Variants in ARMC3 observed in about 807,000 individuals in gnomAD.
The protein encoded by ARMC3 is armadillo repeat containing 3.
A neutral mutation model predicts 90.3 loss-of-function variants in ARMC3; 74 were observed. The ratio of observed to expected loss-of-function variants is 0.82; its 90% CI spans 0.68 to 0.99. The LOEUF is 0.99. Among genes scored for constraint, ARMC3 ranks in the 50% least tolerant of loss-of-function variants. ARMC3 has a pLI of 0.00. For synonymous variants in ARMC3, 334 were observed against 361.8 expected (o/e 0.92, Z 0.87); for missense variants, 958 against 1,042.8 (o/e 0.92, Z 1.12).
At chr10:23,026,925 A>G (rs1838737756) in intron 16 of ARMC3, among the ~76,000 whole-genome samples, 1 of 152,132 alleles carries the variant, frequency 6.6e-6, no homozygotes, top group South Asian at 2.1e-4. Context: ...TCAGTGGAGC[A>G]TATTTTTTTG....
intron 11 of ARMC3, among the ~76,000 whole-genome samples, chr10:23,001,468 C>T (rs1468877986): frequency 6.6e-6 from 1 of 152,156 alleles, no homozygotes; most frequent in Non-Finnish European, 1.5e-5. Context: ...ACACTGAACC[C>T]TCCTGGCTAA....
chr10:22,951,881 G>A lies in ARMC3; in HGVS notation c.167-3926G>A, dbSNP rs573002683. Among the ~76,000 whole-genome samples the A allele has an allele frequency of 5.3e-5, 8 of 152,166 alleles. No homozygotes were observed. The East Asian group carries it at 9.7e-4, about 18-fold the overall frequency. On this transcript the variant is annotated intron_variant, in intron 3 of 18. Transcript: ENST00000298032. Reference sequence around the variant, plus strand: ...CACAGTGGCTCACACCTGTAATCTCGGAACTTTGAGAGGCTGAGGTGGGCA... The same window carrying A: ...CACAGTGGCTCACACCTGTAATCTCAGAACTTTGAGAGGCTGAGGTGGGCA...
chr10:22,990,245 C>A (rs925162818), intron 10 of ARMC3, among the ~76,000 whole-genome samples: 1 of 151,940 alleles, frequency 6.6e-6, no homozygotes, highest in African/African-American at 2.4e-5. Context: ...TTATGTTAAT[C>A]ATTTCTCTTG....
intron 16 of ARMC3, among the ~76,000 whole-genome samples, chr10:23,027,194 C>G (rs1411537430): frequency 6.6e-6 from 1 of 152,152 alleles, no homozygotes; most frequent in Non-Finnish European, 1.5e-5. Context: ...TGCATTAAAA[C>G]CAGAGATCAT....
chr10:22,995,733 C>T (rs930486028), intron 10 of ARMC3, among the ~76,000 whole-genome samples: 1 of 152,130 alleles, frequency 6.6e-6, no homozygotes, highest in Non-Finnish European at 1.5e-5. Context: ...TTCCATGATC[C>T]AATTTTTCTT....
intron 11 of ARMC3, among the ~76,000 whole-genome samples, chr10:23,001,495 C>T (rs980023185): frequency 1.1e-4 from 17 of 152,198 alleles, no homozygotes; most frequent in Non-Finnish European, 1.5e-4. Context: ...ATAACCTCCC[C>T]ATCTCAAGAC....
intron 10 of ARMC3, among the ~76,000 whole-genome samples, chr10:22,986,122 C>T (rs1414031089): frequency 1.3e-5 from 2 of 148,550 alleles, no homozygotes; most frequent in Admixed American, 6.8e-5. Context: ...CCCCCCCCCG[C>T]GCCACACACC....
intron 2 of ARMC3, among the ~76,000 whole-genome samples, chr10:22,934,819 A>G (rs1229389050): frequency 1.3e-5 from 2 of 152,202 alleles, no homozygotes; most frequent in African/African-American, 4.8e-5. Context: ...ATTATTATTA[A>G]TGATATAGTT....
At chr10:22,968,953 T>C (rs1459437450) in intron 8 of ARMC3, among the ~76,000 whole-genome samples, 2 of 152,188 alleles carry the variant, frequency 1.3e-5, no homozygotes, top group East Asian at 1.9e-4. Flanking sequence ...GAGTTAGAGA[T>C]TTGTCAGGGA....
chr10:22,966,525 ACC>A (rs1835447208), intron 7 of ARMC3, among the ~76,000 whole-genome samples: 3 of 152,280 alleles, frequency 2.0e-5, no homozygotes, highest in African/African-American at 7.2e-5. Flanking sequence ...TTTGGGTTAT[ACC>A]CTATATTAGA....
In ARMC3 at chr10:22,998,131, CTCTT is replaced by C. The variant is rs1564381360; in HGVS notation, c.1176-14_1176-11del. 1.2e-6 allele frequency: 2 copies of C among 1,609,102 alleles called. No individual in the cohort carries two copies. The highest frequency in any genetic ancestry group is 1.7e-6 in the Non-Finnish European group (2 of 1,176,792). ...GAATTCAGATGAATCACATTCATTT[CTCTT>C]TCATTTACTCAGCGCTGCTGCTGAA... On this transcript the variant is annotated splice_polypyrimidine_tract_variant and intron_variant, in intron 10 of 18. Coordinates refer to ENST00000298032, the MANE Select transcript of ARMC3 (RefSeq NM_173081.5).
At chr10:22,980,949 A>G (rs1836157656) in intron 8 of ARMC3, among the ~76,000 whole-genome samples, 1 of 152,188 alleles carries the variant, frequency 6.6e-6, no homozygotes, top group African/African-American at 2.4e-5. Context: ...CATTCTTCCA[A>G]TATTGGGTTT....
chr10:23,016,403 T>G (rs1001316866), intron 16 of ARMC3, among the ~76,000 whole-genome samples: 5 of 152,242 alleles, frequency 3.3e-5, no homozygotes, highest in African/African-American at 1.2e-4. Flanking sequence ...TATGTTTACC[T>G]GCTCTCCTTT....
chr10:22,985,834 G>A (rs1199859050), intron 10 of ARMC3, among the ~76,000 whole-genome samples: 2 of 152,024 alleles, frequency 1.3e-5, no homozygotes, highest in Non-Finnish European at 2.9e-5. Flanking sequence ...TTTGCCTTAG[G>A]TCATTGTAGT....
intron 16 of ARMC3, among the ~76,000 whole-genome samples, chr10:23,021,745 T>C (rs1838522618): frequency 6.6e-6 from 1 of 152,212 alleles, no homozygotes; most frequent in Non-Finnish European, 1.5e-5. Context: ...ATACATAGTT[T>C]GTGAATACTT....
intron 16 of ARMC3, among the ~76,000 whole-genome samples, chr10:23,009,243 C>A (rs1837802298): frequency 6.6e-6 from 1 of 152,126 alleles, no homozygotes; most frequent in Non-Finnish European, 1.5e-5. Context: ...GAAAGCCCAA[C>A]CCTGGGTAAC....
At chr10:23,007,603 A>G (rs1456476537) in intron 14 of ARMC3, among the ~76,000 whole-genome samples, 2 of 151,542 alleles carry the variant, frequency 1.3e-5, no homozygotes, top group Non-Finnish European at 2.9e-5. Context: ...AGGCTGAGGC[A>G]GGAGAATCAC....
At chr10:22,958,418 C>T (rs1048545718) in intron 4 of ARMC3, among the ~76,000 whole-genome samples, 2 of 151,984 alleles carry the variant, frequency 1.3e-5, no homozygotes, top group African/African-American at 2.4e-5. Flanking sequence ...AAATACCTTC[C>T]CAGCAACACA....
chr10:22,975,530 A>G (rs993635917), intron 8 of ARMC3, among the ~76,000 whole-genome samples: 2 of 152,140 alleles, frequency 1.3e-5, no homozygotes, highest in African/African-American at 2.4e-5. Flanking sequence ...GCACCATCGC[A>G]CTCCAGCCTG....
Sources: gnomAD v4.1 joint callset for allele counts (sites outside exome capture counted in the v4.1 genomes callset) on GRCh38, gnomAD v4.1.1 for gene constraint, MANE v1.5 for transcripts, NCBI Gene and HGNC (gene_info 2026-07-23, HGNC 2026-07-21) for gene names.